IL1RAPL1: variants seen among roughly 807,000 people sequenced by gnomAD.
The protein encoded by IL1RAPL1 is interleukin-1 receptor accessory protein-like 1.
A neutral mutation model predicts 48.4 loss-of-function variants in IL1RAPL1; 3 were observed. That is an observed-to-expected ratio of 0.06 (90% CI 0.03 to 0.16). The LOEUF is 0.16. IL1RAPL1 is among the 10% of genes least tolerant of loss of function. The pLI is 1.00. For missense variants in IL1RAPL1, 349 were observed against 530.6 expected (o/e 0.66, Z 3.36); for synonymous variants, 185 against 187.7 (o/e 0.99, Z 0.12).
At chrX:28,850,890 T>C (rs1438926245) in intron 2 of IL1RAPL1, among the ~76,000 whole-genome samples, 1 of 105,211 alleles carries the variant, frequency 9.5e-6, no homozygotes, top group African/African-American at 3.5e-5. Flanking sequence ...TTCATTTATG[T>C]TGTTGAACCT....
At chrX:29,452,916 A>ATTT (rs72259685) in intron 5 of IL1RAPL1, among the ~76,000 whole-genome samples, 14 of 48,880 alleles carry the variant, frequency 2.9e-4, no homozygotes, top group African/African-American at 5.9e-4. Flanking sequence ...GTGACTACAG[A>ATTT]TTTTTTTTTT....
intron 3 of IL1RAPL1, among the ~76,000 whole-genome samples, chrX:29,294,931 C>A (rs989237901): frequency 1.8e-5 from 2 of 111,339 alleles, no homozygotes; most frequent in African/African-American, 6.5e-5. Flanking sequence ...CAAGAAATAT[C>A]AAGCAGGGAA....
chrX:28,630,599 C>G (rs767289651), intron 1 of IL1RAPL1, among the ~76,000 whole-genome samples: 5 of 111,845 alleles, frequency 4.5e-5, no homozygotes, highest in Admixed American at 9.5e-5. Context: ...TGTTTTCATC[C>G]TTCATGCTTT....
intron 5 of IL1RAPL1, among the ~76,000 whole-genome samples, chrX:29,403,860 A>T (rs1027614754): frequency 8.9e-6 from 1 of 112,217 alleles, no homozygotes; most frequent in Non-Finnish European, 1.9e-5. Context: ...ACCTGTGCCC[A>T]TGTGGGAAAC....
chrX:28,722,220 T>G (rs1009474679), intron 1 of IL1RAPL1, among the ~76,000 whole-genome samples: 3 of 111,694 alleles, frequency 2.7e-5, no homozygotes, highest in South Asian at 3.8e-4. Flanking sequence ...ATTCTTCCTA[T>G]CCATGAGCAT....
intron 1 of IL1RAPL1, among the ~76,000 whole-genome samples, chrX:28,778,814 A>G (rs1256591552): frequency 8.9e-6 from 1 of 111,878 alleles, no homozygotes; most frequent in Non-Finnish European, 1.9e-5. Flanking sequence ...AATTCAATTA[A>G]GACTACAGTT....
intron 2 of IL1RAPL1, among the ~76,000 whole-genome samples, chrX:29,268,144 G>A (rs1602143865): frequency 9.0e-6 from 1 of 111,562 alleles, no homozygotes; most frequent in East Asian, 2.8e-4. Flanking sequence ...AACCATTCAA[G>A]GAAACGACTG....
chrX:28,847,000 A>G (rs1921525648), intron 2 of IL1RAPL1, among the ~76,000 whole-genome samples: 1 of 111,452 alleles, frequency 9.0e-6, no homozygotes, highest in Non-Finnish European at 1.9e-5. Flanking sequence ...CCTGAACTCC[A>G]GACACATGTA....
intron 6 of IL1RAPL1, among the ~76,000 whole-genome samples, chrX:29,708,128 CAAAT>C (rs1240805408): frequency 1.8e-5 from 2 of 110,313 alleles, no homozygotes; most frequent in Admixed American, 9.7e-5. Flanking sequence ...TTTTAAGTGA[CAAAT>C]AATAATTGTG....
chrX:29,309,827 G>A (rs1478510069), intron 3 of IL1RAPL1, among the ~76,000 whole-genome samples: 1 of 106,760 alleles, frequency 9.4e-6, no homozygotes, highest in Non-Finnish European at 1.9e-5. Context: ...CAGGCGCGGT[G>A]GCTCACGCCT....
intron 2 of IL1RAPL1, among the ~76,000 whole-genome samples, chrX:28,968,233 C>T (rs1924968814): frequency 9.0e-6 from 1 of 111,207 alleles, no homozygotes; most frequent in Admixed American, 9.6e-5. Flanking sequence ...AGTCAAGAGC[C>T]ATTAGTTCCG....
At position 28,864,880 on chromosome X, in the gene IL1RAPL1, G is replaced by A. The variant is rs780932942; in HGVS notation, c.82+75455G>A. ...TCCCAAGACCCTTCTGGTCCATCCAGTGGTAGTAGATATACCAGTAGGGAA... is the reference window on the plus strand; with the variant it reads ...TCCCAAGACCCTTCTGGTCCATCCAATGGTAGTAGATATACCAGTAGGGAA... On this transcript the variant is annotated intron_variant, in intron 2 of 10. Transcript: ENST00000378993. Among the ~76,000 whole-genome samples, 9 of 111,240 alleles carry A rather than the reference G, an allele frequency of 8.1e-5. No homozygotes were observed. In the South Asian group the frequency reaches 3.1e-3, roughly 38 times the overall value.
At position 29,093,088 on chromosome X, in the gene IL1RAPL1, AAT is replaced by A. The variant is rs1187496010; in HGVS notation, c.83-189847_83-189846del. 4.5e-5 allele frequency among the ~76,000 whole-genome samples: 5 copies of A among 112,304 alleles called. No individual in the cohort carries two copies. The South Asian group carries it at 1.5e-3, about 33-fold the overall frequency. ...CCATCTTTTCATAAATTTTCATTAA[AAT>A]ATGACTGCCAAACAAGATCAATCAG... On this transcript the variant is annotated intron_variant, in intron 2 of 10. Transcript: ENST00000378993.
chrX:28,801,645 A>G (rs1601909679), intron 2 of IL1RAPL1, among the ~76,000 whole-genome samples: 2 of 111,920 alleles, frequency 1.8e-5, no homozygotes, highest in Admixed American at 9.5e-5. Flanking sequence ...CATTAATCTG[A>G]TGAGTATTAT....
intron 2 of IL1RAPL1, among the ~76,000 whole-genome samples, chrX:28,866,060 C>T (rs917005895): frequency 1.8e-5 from 2 of 111,982 alleles, no homozygotes; most frequent in Non-Finnish European, 3.8e-5. Flanking sequence ...TGACTAAAGA[C>T]ACGGGACTTA....
At chrX:29,764,969 T>C (rs201421108) in intron 6 of IL1RAPL1, among the ~76,000 whole-genome samples, 129 of 112,383 alleles carry the variant, frequency 1.1e-3, no homozygotes, top group African/African-American at 4.0e-3. Flanking sequence ...ATGGCTGATA[T>C]CAACTGGAAA....
intron 1 of IL1RAPL1, among the ~76,000 whole-genome samples, chrX:28,592,828 G>A (rs1036152558): frequency 1.8e-5 from 2 of 111,542 alleles, no homozygotes; most frequent in Non-Finnish European, 3.8e-5. Context: ...TTTTGTTTCA[G>A]ATGAATTTCA....
chrX:29,656,663 T>A (rs1925692447), intron 5 of IL1RAPL1, among the ~76,000 whole-genome samples: 1 of 110,824 alleles, frequency 9.0e-6, no homozygotes, highest in Admixed American at 9.7e-5. Context: ...ACACCACATT[T>A]TCTTTATCCA....
chrX:29,114,480 C>T (rs1209032022), intron 2 of IL1RAPL1, among the ~76,000 whole-genome samples: 2 of 111,883 alleles, frequency 1.8e-5, no homozygotes, highest in Non-Finnish European at 3.8e-5. Context: ...TTCCTTTTGT[C>T]CTGATCAATT....
Sources: gnomAD v4.1 joint callset for allele counts (sites outside exome capture counted in the v4.1 genomes callset) on GRCh38, gnomAD v4.1.1 for gene constraint, MANE v1.5 for transcripts, NCBI Gene and HGNC (gene_info 2026-07-23, HGNC 2026-07-21) for gene names.